ZDHHC21: variants seen among roughly 807,000 people sequenced by gnomAD.
ZDHHC21 encodes zDHHC palmitoyltransferase 21.
In ZDHHC21, 15 loss-of-function variants were observed where a neutral mutation model predicts 34.6. The observed-to-expected ratio is 0.43, with a 90% CI of 0.29 to 0.67. The LOEUF (loss-of-function observed/expected upper bound fraction) is 0.67, where lower values mean the gene tolerates loss of function less well. Among genes scored for constraint, ZDHHC21 ranks in the 30% least tolerant of loss-of-function variants. The pLI is 0.14. For synonymous variants in ZDHHC21, 142 were observed against 101.8 expected (o/e 1.40, Z -2.38); for missense variants, 344 against 327.7 (o/e 1.05, Z -0.38).
chr9:14,595,973 G>C, the ZDHHC21 span, among the ~76,000 whole-genome samples: 1 of 152,164 alleles, frequency 6.6e-6, no homozygotes, highest in Non-Finnish European at 1.5e-5. Flanking sequence ...ATACATTGCT[G>C]GTGGGAGTGT....
chr9:14,648,701 G>A (rs1208214547), intron 7 of ZDHHC21, among the ~76,000 whole-genome samples: 1 of 151,914 alleles, frequency 6.6e-6, no homozygotes, highest in East Asian at 1.9e-4. Flanking sequence ...TTAAACACAG[G>A]AACTTTGTTT....
At chr9:14,681,994 A>C (rs996029840) in intron 2 of ZDHHC21, among the ~76,000 whole-genome samples, 14 of 152,144 alleles carry the variant, frequency 9.2e-5, no homozygotes, top group South Asian at 2.1e-4. Context: ...AAATGCTGAG[A>C]GATTTGGTCA....
intron 7 of ZDHHC21, among the ~76,000 whole-genome samples, chr9:14,648,407 A>C (rs1048795428): frequency 1.3e-5 from 2 of 152,016 alleles, no homozygotes; most frequent in African/African-American, 4.8e-5. Flanking sequence ...ATCTTAATAA[A>C]GTCTCCAGTC....
Position 14,643,521 on chromosome 9 carries a change from T to A in ZDHHC21, c.505-3509A>T, listed in dbSNP as rs1458750832. 2.0e-5 allele frequency among the ~76,000 whole-genome samples: 3 copies of A among 152,216 alleles called. No individual in the cohort carries two copies. In the South Asian group the frequency reaches 6.2e-4, roughly 31 times the overall value. ...TTTTTATAAACTAAAGTCTTAATTT[T>A]ACGTAGTCCAATGTATCAATCTTTT... On this transcript the variant is annotated intron_variant, in intron 7 of 9. Transcript: ENST00000380916.
intron 7 of ZDHHC21, among the ~76,000 whole-genome samples, chr9:14,648,293 T>C (rs1216951294): frequency 6.7e-6 from 1 of 149,130 alleles, no homozygotes; most frequent in Non-Finnish European, 1.5e-5. Flanking sequence ...ATTATCCTTG[T>C]CCTTTATTTT....
Position 14,676,600 on chromosome 9 carries a change from G to C in ZDHHC21, c.-45-2215C>G, listed in dbSNP as rs558201056. Among the ~76,000 whole-genome samples, 4 of 151,978 alleles carry C rather than the reference G, an allele frequency of 2.6e-5. No homozygotes were observed. In the South Asian group the frequency reaches 8.3e-4, roughly 32 times the overall value. ...TAACTTGTGTATGAATTCTAAAACA[G>C]AAATAGTGCCCAGGCCACTAAACTA... On this transcript the variant is annotated intron_variant, in intron 3 of 9. Transcript: ENST00000380916.
intron 5 of ZDHHC21, among the ~76,000 whole-genome samples, chr9:14,664,519 GGCCT>G (rs1564343444): frequency 6.6e-6 from 1 of 151,712 alleles, no homozygotes; most frequent in Admixed American, 6.6e-5. Context: ...AGCTCAAGGA[GGCCT>G]GCCTGCCTCT....
At chr9:14,628,491 T>A (rs1826708676) in intron 8 of ZDHHC21, among the ~76,000 whole-genome samples, 1 of 152,180 alleles carries the variant, frequency 6.6e-6, no homozygotes, top group Admixed American at 6.5e-5. Context: ...AGGTCTATAT[T>A]CAAGCTATGC....
At position 14,618,563 on chromosome 9, in the gene ZDHHC21, T is replaced by A. The variant is rs1233505886; in HGVS notation, c.*403A>T. ...TGTATCAACTTTTGTAAAACCTGAA[T>A]AATTAAATTTAGATTTGGTTACTGT... On this transcript the variant is annotated 3_prime_UTR_variant, in exon 10 of 10. Transcript: ENST00000380916. The A allele has an allele frequency of 6.5e-6, 1 of 154,328 alleles. No homozygotes were observed. The highest frequency in any genetic ancestry group is 1.4e-5 in the Non-Finnish European group (1 of 69,428). 9.6% of individuals were successfully genotyped at this position (154,328 alleles called of 1,614,324 possible). A position where few individuals can be genotyped will look rare whatever the true frequency, so the allele number is the denominator to read the frequency against.
chr9:14,625,056 C>A (rs1246878073), intron 8 of ZDHHC21, among the ~76,000 whole-genome samples: 1 of 152,028 alleles, frequency 6.6e-6, no homozygotes, highest in Non-Finnish European at 1.5e-5. Flanking sequence ...CATTTCACTT[C>A]TTAGCACCTC....
chr9:14,637,165 A>G (rs1828454073), intron 8 of ZDHHC21, among the ~76,000 whole-genome samples: 1 of 152,078 alleles, frequency 6.6e-6, no homozygotes, highest in Admixed American at 6.6e-5. Flanking sequence ...TTCAAGACTA[A>G]CCAAGAAGAG....
chr9:14,606,969 A>C (rs1112968), downstream of ZDHHC21, among the ~76,000 whole-genome samples: 1 of 151,650 alleles, frequency 6.6e-6, no homozygotes, highest in Non-Finnish European at 1.5e-5. Context: ...ATTAAAAATA[A>C]GTACATCCTC....
intron 1 of ZDHHC21, among the ~76,000 whole-genome samples, chr9:14,692,635 G>A (rs906393747): frequency 6.6e-6 from 1 of 152,152 alleles, no homozygotes; most frequent in African/African-American, 2.4e-5. Context: ...CCAGCGACCT[G>A]TTACAGTGAA....
intron 6 of ZDHHC21, among the ~76,000 whole-genome samples, chr9:14,661,185 AC>A (rs977158536): frequency 1.3e-5 from 2 of 152,308 alleles, no homozygotes; most frequent in African/African-American, 4.8e-5. Context: ...AAATGCTCTT[AC>A]TTTTTCCTAT....
chr9:14,598,152 A>T, the ZDHHC21 span, among the ~76,000 whole-genome samples: 1 of 152,070 alleles, frequency 6.6e-6, no homozygotes, highest in Non-Finnish European at 1.5e-5. Context: ...GGATTAGTCC[A>T]CCTAGACCTA....
chr9:14,631,807 C>T (rs530757410), intron 8 of ZDHHC21, among the ~76,000 whole-genome samples: 116 of 152,286 alleles, frequency 7.6e-4, no homozygotes, highest in Non-Finnish European at 1.3e-3. Flanking sequence ...ACACACACAA[C>T]ATTTACCAAT....
At chr9:14,673,637 T>C (rs758406874) in intron 4 of ZDHHC21, among the ~76,000 whole-genome samples, 2 of 151,870 alleles carry the variant, frequency 1.3e-5, no homozygotes, top group Non-Finnish European at 2.9e-5. Flanking sequence ...AAATTTCCCA[T>C]GGTTCGTGTG....
intron 6 of ZDHHC21, among the ~76,000 whole-genome samples, chr9:14,661,258 T>C (rs1298155366): frequency 6.7e-6 from 1 of 150,162 alleles, no homozygotes; most frequent in African/African-American, 2.5e-5. Context: ...ACCAGAAGTT[T>C]GCTGAATAAC....
rs1824376151 is a variant in ZDHHC21, at chr9:14,617,287, C to A, written c.*1679G>T. The A allele has an allele frequency of 6.6e-6, 1 of 151,838 alleles. No homozygotes were observed. The highest frequency in any genetic ancestry group is 1.5e-5 in the Non-Finnish European group (1 of 67,880). The allele number at this position is 151,838 out of a possible 1,614,324, so 9.4% of individuals were successfully genotyped here. On this transcript the variant is annotated 3_prime_UTR_variant, in exon 10 of 10. Transcript: ENST00000380916. ...TTTCAGTACCAATAAATATGTTCGTCTGCTGTATTTCTGTTCGTATTTCTG... is the reference window on the plus strand; with the variant it reads ...TTTCAGTACCAATAAATATGTTCGTATGCTGTATTTCTGTTCGTATTTCTG...
Sources: allele counts gnomAD v4.1 joint callset (sites outside exome capture counted in the v4.1 genomes callset), GRCh38; gene constraint gnomAD v4.1.1; transcripts MANE v1.5; gene names NCBI Gene and HGNC (gene_info 2026-07-23, HGNC 2026-07-21).